The following FLNA variants were observed in gnomAD, a reference collection of about 807,000 sequenced individuals.
FLNA encodes filamin-A.
Under a neutral mutation model 157.6 loss-of-function variants are expected in FLNA, and 7 were observed. That is an observed-to-expected ratio of 0.04 (90% CI 0.03 to 0.08). The LOEUF (loss-of-function observed/expected upper bound fraction) is 0.08, where lower values mean the gene tolerates loss of function less well. FLNA is among the 10% of genes least tolerant of loss of function. FLNA has a pLI of 1.00. For synonymous variants in FLNA, 1,103 were observed against 1,060.8 expected (o/e 1.04, Z -0.77); for missense variants, 1,750 against 2,398.4 (o/e 0.73, Z 5.65).
rs781929535 is a variant in FLNA at position 154,353,651 on chromosome X, G to A, written c.5763C>T (p.Ser1921=). 135 of 1,210,024 alleles carry A rather than the reference G, an allele frequency of 1.1e-4. 1 individual carries two copies. The South Asian group carries it at 2.1e-3, about 19-fold the overall frequency. ...CCGGCAGCACAGGCAGGTAGGACAC[G>A]CTGCATGTCCCATCCTGGTTGTCAG... ...SCTDNQDGTC[S]VSYLPVLPGD... Residue 1921 remains serine, a synonymous_variant, in exon 36 of 48, where the codon AGC becomes AGT. Coordinates refer to ENST00000369850, the MANE Select transcript of FLNA (RefSeq NM_001110556.2).
At position 154,352,883 on chromosome X, in the gene FLNA, C is replaced by G. The variant is rs968230475; in HGVS notation, c.6268G>C (p.Val2090Leu). 7.4e-5 allele frequency: 89 copies of G among 1,210,682 alleles called. No homozygotes were observed. The highest frequency in any genetic ancestry group is 9.6e-5 in the Non-Finnish European group (86 of 895,268). The change falls in exon 39 of 48, where the codon GTG (valine) becomes CTG (leucine). Residue 2090 changes from valine (V) to leucine (L), a missense_variant. This residue lies in a region of FLNA where 970 missense variants were observed against 1,302.6 expected (regional missense o/e 0.74). Coordinates refer to ENST00000369850, the MANE Select transcript of FLNA (RefSeq NM_001110556.2). ...TCCAGGTCCTCTGTGTTGATGTCCA[C>G]CTTGCTGGGGCCCTCAATGGACAGG... ...LSLSIEGPSK[V>L]DINTEDLEDG... is the part of the protein sequence containing the mutation.
chrX:154,349,534 G>A lies in FLNA; in HGVS notation c.7584C>T (p.His2528=), dbSNP rs201883808. Residue 2528 remains histidine (H), a synonymous_variant, in exon 47 of 48, where the codon CAC becomes CAT. Transcript: ENST00000369850. ...AGTCTACAAACACTGATGATGTCTC[G>A]TGGAGGCTGTGGTTGCTGACGAGAC... ...GPRLVSNHSL[H]ETSSVFVDSL... 4 of 1,212,306 alleles carry A rather than the reference G, an allele frequency of 3.3e-6. No individual in the cohort carries two copies. Among genetic ancestry groups the A allele is most frequent in the Non-Finnish European group, 4.5e-6 (4 of 895,569 alleles).
chrX:154,367,296 C>T, intron 5 of FLNA, 101 bp downstream of exon 5: 1 of 956,640 alleles, frequency 1.0e-6, no homozygotes, highest in South Asian at 2.1e-5. Flanking sequence ...ACCTAGCCGC[C>T]ATGTAACCCA....
chrX:154,371,341 A>C lies in FLNA; in HGVS notation c.-96T>G. ...CAGGCACCTAGGCGCGCGGGAGGCGAGGCAGGGAGCAGAGGTTGCGCTGCG... is the reference window on the plus strand; with the variant it reads ...CAGGCACCTAGGCGCGCGGGAGGCGCGGCAGGGAGCAGAGGTTGCGCTGCG... On this transcript the variant is annotated 5_prime_UTR_variant, in exon 2 of 48. Coordinates refer to ENST00000369850, the MANE Select transcript of FLNA (RefSeq NM_001110556.2). 9.6e-7 allele frequency: 1 copy of C among 1,044,313 alleles called. No homozygotes were observed. The allele number at this position is 1,044,313 out of a possible 1,213,427, so 86.1% of individuals were successfully genotyped here. A position where few individuals can be genotyped will look rare whatever the true frequency, so the allele number is the denominator to read the frequency against.
rs2067636600 is a variant in FLNA, at chrX:154,353,335, C to T, written c.5983G>A (p.Glu1995Lys). The change falls in exon 37 of 48, where the codon GAG (glutamate) becomes AAG (lysine). Residue 1995 changes from glutamate to lysine, a missense_variant. By Grantham distance (56) the Glu-to-Lys change is moderately conservative (BLOSUM62 1). Coordinates refer to ENST00000369850, the MANE Select transcript of FLNA (RefSeq NM_001110556.2). ...CGCAGCCGCTTCAGCAAACAGGGCT[C>T]CTCCCGGCCCGAGGGCGGGACCACA... ...ATVVPPSGRE[E>K]PCLLKRLRNG... 8.3e-7 allele frequency: 1 copy of T among 1,211,896 alleles called. No individual in the cohort carries two copies. Among genetic ancestry groups the T allele is most frequent in the African/African-American group, 1.7e-5 (1 of 57,974 alleles).
rs781993685 is a variant in FLNA at position 154,354,926 on chromosome X, C to T, written c.5116G>A (p.Gly1706Ser). The T allele has an allele frequency of 6.9e-5, 84 of 1,211,117 alleles. 1 individual carries two copies. In the Middle Eastern group the frequency reaches 1.1e-3, roughly 16 times the overall value. ...VDVDVVENED[G>S]TFDIFYTAPQ... The stretch of plus-strand genomic sequence containing the variant: ...GCCGTGTAGAAGATGTCGAAAGTGC[C>T]GTCCTCATTCTCCACCACGTCCACA... The change falls in exon 31 of 48, where the codon GGC (glycine) becomes AGC (serine). Residue 1706 changes from glycine to serine, a missense_variant. Gly to Ser is a moderately conservative substitution (Grantham distance 56). This residue lies in a region of FLNA where 970 missense variants were observed against 1,302.6 expected (regional missense o/e 0.74). Transcript: ENST00000369850.
Position 154,359,910 on chromosome X carries a change from A to G in FLNA, c.3806-5T>C, listed in dbSNP as rs2067691818. On this transcript the variant is annotated splice_region_variant and splice_polypyrimidine_tract_variant and intron_variant, in intron 22 of 47. Coordinates refer to ENST00000369850, the MANE Select transcript of FLNA (RefSeq NM_001110556.2). Reference sequence around the variant, plus strand: ...TGGTGGCCTCACGGAAGACACCTGCAAAGGCACAGAGAGGAGGCTTGGGGC... The same window carrying G: ...TGGTGGCCTCACGGAAGACACCTGCGAAGGCACAGAGAGGAGGCTTGGGGC... 8.3e-7 allele frequency: 1 copy of G among 1,210,357 alleles called. No individual in the cohort carries two copies. The highest frequency in any genetic ancestry group is 1.1e-6 in the Non-Finnish European group (1 of 895,056).
rs1569551814 is a variant in FLNA at position 154,365,490 on chromosome X, C to T, written c.1430-4G>A. ...CGGCAGGCACTCGGGTTACAGGCTGCAGGCAGAGGGGCCAGCTGAGCACCA... is the reference window on the plus strand; with the variant it reads ...CGGCAGGCACTCGGGTTACAGGCTGTAGGCAGAGGGGCCAGCTGAGCACCA... On this transcript the variant is annotated splice_region_variant and splice_polypyrimidine_tract_variant and intron_variant, in intron 9 of 47. Transcript: ENST00000369850. The T allele has an allele frequency of 8.3e-7, 1 of 1,210,302 alleles. No individual in the cohort carries two copies. Among genetic ancestry groups the T allele is most frequent in the East Asian group, 3.0e-5 (1 of 33,817 alleles).
chrX:154,358,900 A>C, intron 26 of FLNA, 84 bp downstream of exon 26: 2 of 1,077,956 alleles, frequency 1.9e-6, no homozygotes, highest in Admixed American at 2.2e-5. Context: ...TCTGGTCCTC[A>C]CTTTGGGCCT....
At chrX:154,367,051 G>C (rs781864348) in intron 5 of FLNA, among the ~76,000 whole-genome samples, 1 of 112,051 alleles carries the variant, frequency 8.9e-6, no homozygotes, top group African/African-American at 3.3e-5. Context: ...CCTGTTTTCT[G>C]GAACATTCAT....
chrX:154,365,915 G>A, intron 9 of FLNA, 109 bp downstream of exon 9: 2 of 709,996 alleles, frequency 2.8e-6, no homozygotes, highest in Non-Finnish European at 4.1e-6. Flanking sequence ...GAAGCTCAAA[G>A]AGTAGGGGCC....
chrX:154,355,623 G>T (rs2067657054), intron 30 of FLNA, among the ~76,000 whole-genome samples: 1 of 113,432 alleles, frequency 8.8e-6, no homozygotes, highest in African/African-American at 3.2e-5. Flanking sequence ...GGTGCAGACA[G>T]GAGTGGGAGC....
rs2067716221 is a variant in FLNA at position 154,362,098 on chromosome X, C to A, written c.2707G>T (p.Gly903Cys). The A allele has an allele frequency of 8.3e-7, 1 of 1,209,929 alleles. No individual in the cohort carries two copies. The highest frequency in any genetic ancestry group is 2.2e-5 in the Admixed American group (1 of 45,884). The change falls in exon 19 of 48, where the codon GGC (glycine) becomes TGC (cysteine). Residue 903 changes from glycine (G) to cysteine (C), a missense_variant. Gly to Cys is a radical substitution (Grantham distance 159, BLOSUM62 -3). Coordinates refer to ENST00000369850, the MANE Select transcript of FLNA (RefSeq NM_001110556.2). ...THFTVNAKAA[G>C]KGKLDVQFSG... Reference sequence around the variant, plus strand: ...AACTGGACGTCCAGCTTGCCTTTGCCAGCAGCTTTGGCATTTACTGTGAAG... The same window carrying A: ...AACTGGACGTCCAGCTTGCCTTTGCAAGCAGCTTTGGCATTTACTGTGAAG...
At position 154,359,161 on chromosome X, in the gene FLNA, G is replaced by A; in HGVS notation, c.4304-7C>T. 2.5e-6 allele frequency: 3 copies of A among 1,211,406 alleles called. No individual in the cohort carries two copies. The highest frequency in any genetic ancestry group is 3.3e-6 in the Non-Finnish European group (3 of 895,530). ...GGGACCTTGAAAGGACTGCCTGAGG[G>A]TTGGGGCAAAGGGATGGCGGCTGTA... On this transcript the variant is annotated splice_region_variant and splice_polypyrimidine_tract_variant and intron_variant, in intron 25 of 47. Transcript: ENST00000369850.
intron 37 of FLNA, 31 bp from the exon 38 acceptor site, chrX:154,353,235 A>C: frequency 8.3e-7 from 1 of 1,209,920 alleles, no homozygotes; most frequent in African/African-American, 1.7e-5. Flanking sequence ...TCAGTCAGGG[A>C]GGGCATGGCT....
chrX:154,361,063 A>AAAAAAAAAAAAAAAAAG, intron 21 of FLNA, among the ~76,000 whole-genome samples: 2 of 92,345 alleles, frequency 2.2e-5, no homozygotes, highest in African/African-American at 4.1e-5. Context: ...AAAAAAAAAA[A>AAAAAAAAAAAAAAAAAG]AAAAAAAAAA....
intron 1 of FLNA, among the ~76,000 whole-genome samples, chrX:154,372,719 CCT>C (rs1557180615): frequency 1.0e-5 from 1 of 99,016 alleles, no homozygotes; most frequent in African/African-American, 4.0e-5. Context: ...AATGTTTCCT[CCT>C]CTGAGTGTTT....
At position 154,348,948 on chromosome X, in the gene FLNA, G is replaced by A; in HGVS notation, c.7845C>T (p.Ser2615=). 5.8e-6 allele frequency: 7 copies of A among 1,210,946 alleles called. No individual in the cohort carries two copies. Among genetic ancestry groups the A allele is most frequent in the East Asian group, 3.0e-5 (1 of 33,845 alleles). The change falls in exon 48 of 48, where the codon AGC becomes AGT. Residue 2615 remains serine, a synonymous_variant. Coordinates refer to ENST00000369850, the MANE Select transcript of FLNA (RefSeq NM_001110556.2). ...LVKHVGSRLY[S]VSYLLKDKGE... Reference sequence around the variant, plus strand: ...CCTTGTCCTTGAGCAGGTAGGACACGCTGTAGAGCCGGCTGCCCACGTGCT... The same window carrying A: ...CCTTGTCCTTGAGCAGGTAGGACACACTGTAGAGCCGGCTGCCCACGTGCT...
At chrX:154,369,243 A>G (rs1038991967) in intron 2 of FLNA, among the ~76,000 whole-genome samples, 6 of 110,768 alleles carry the variant, frequency 5.4e-5, no homozygotes, top group Non-Finnish European at 1.1e-4. Context: ...GCTGCCTTTC[A>G]CTCTCCCCAA....
Sources: gnomAD v4.1 joint callset for allele counts (sites outside exome capture counted in the v4.1 genomes callset) on GRCh38, gnomAD v4.1.1 for gene constraint, gnomAD v4.1.1 regional missense constraint, MANE v1.5 for transcripts, NCBI Gene and HGNC (gene_info 2026-07-23, HGNC 2026-07-21) for gene names.